The following TM4SF4 variants were observed in gnomAD, a reference collection of about 807,000 sequenced individuals.
TM4SF4 encodes the protein transmembrane 4 L six family member 4.
TM4SF4 carries 24 observed loss-of-function variants against 24.1 expected under a neutral mutation model. The ratio of observed to expected loss-of-function variants is 1.00; its 90% CI spans 0.72 to 1.40. TM4SF4 has a LOEUF of 1.40. Among genes scored for constraint, TM4SF4 ranks in the 40% most tolerant of loss-of-function variants. TM4SF4 has a pLI of 0.00. For missense variants in TM4SF4, 254 were observed against 254.2 expected, an observed-to-expected ratio of 1.00 and a Z score of 0.01; for synonymous variants, 113 against 97.0, an observed-to-expected ratio of 1.17 and a Z score of -0.97.
At chr3:149,476,094 A>G (rs1218034244) in intron 2 of TM4SF4, among the ~76,000 whole-genome samples, 182 bp downstream of exon 2, 1 of 152,222 alleles carries the variant, frequency 6.6e-6, no homozygotes, top group African/African-American at 2.4e-5. Flanking sequence ...CCAAAATACC[A>G]TAGCCCTCAT....
intron 3 of TM4SF4, among the ~76,000 whole-genome samples, chr3:149,488,746 G>C (rs1166184137): frequency 6.6e-6 from 1 of 152,032 alleles, no homozygotes; most frequent in Non-Finnish European, 1.5e-5. Context: ...ACCTCCAAGG[G>C]GGCTTGGAGC....
At chr3:149,493,867 G>A (rs956550621) in intron 3 of TM4SF4, among the ~76,000 whole-genome samples, 1 of 152,198 alleles carries the variant, frequency 6.6e-6, no homozygotes, top group African/African-American at 2.4e-5. Context: ...TCCCAGAGGA[G>A]GTGGCATCTG....
chr3:149,479,003 G>A (rs995757816), intron 2 of TM4SF4, among the ~76,000 whole-genome samples: 7 of 152,178 alleles, frequency 4.6e-5, no homozygotes, highest in African/African-American at 1.7e-4. Flanking sequence ...CTGACCTCAG[G>A]TGATCTGCCT....
intron 3 of TM4SF4, among the ~76,000 whole-genome samples, chr3:149,489,549 G>T (rs960246145): frequency 6.6e-6 from 1 of 152,074 alleles, no homozygotes; most frequent in Admixed American, 6.5e-5. Context: ...CCTCACACAC[G>T]CACGCCCTAC....
intron 3 of TM4SF4, chr3:149,495,131 A>G (rs772716295): frequency 1.3e-4 from 33 of 248,430 alleles, no homozygotes; most frequent in Admixed American, 6.9e-4. Flanking sequence ...CTCTACAGCC[A>G]GAAGAGACAT....
chr3:149,480,116 A>C (rs952738503), intron 2 of TM4SF4, among the ~76,000 whole-genome samples: 1 of 140,938 alleles, frequency 7.1e-6, no homozygotes, highest in Non-Finnish European at 1.6e-5. Context: ...GGGAAAAGTG[A>C]GCCCTGGAGC....
chr3:149,479,323 C>A (rs1442732049), intron 2 of TM4SF4, among the ~76,000 whole-genome samples: 1 of 151,340 alleles, frequency 6.6e-6, no homozygotes, highest in Non-Finnish European at 1.5e-5. Flanking sequence ...TGTTCTAAGG[C>A]TTTGGAGCAT....
intron 2 of TM4SF4, among the ~76,000 whole-genome samples, chr3:149,483,054 T>A (rs1297732933): frequency 6.6e-6 from 1 of 152,022 alleles, no homozygotes; most frequent in Middle Eastern, 3.2e-3. Context: ...ACCCCCCTCC[T>A]TCATAGAATC....
intron 2 of TM4SF4, among the ~76,000 whole-genome samples, chr3:149,477,423 A>G (rs1733952333): frequency 6.6e-6 from 1 of 152,240 alleles, no homozygotes; most frequent in Non-Finnish European, 1.5e-5. Context: ...CATGAACCAC[A>G]ATAATGAATT....
chr3:149,477,984 A>C lies in TM4SF4; in HGVS notation c.264+2072A>C, dbSNP rs565604758. On this transcript the variant is annotated intron_variant, in intron 2 of 4. Coordinates refer to ENST00000305354, the MANE Select transcript of TM4SF4 (RefSeq NM_004617.4). Reference sequence around the variant, plus strand: ...TGAGTAAAAGGCTAAAGACTGGCTAATATAAAAATAAGGGATCTTTTGTTT... The same window carrying C: ...TGAGTAAAAGGCTAAAGACTGGCTACTATAAAAATAAGGGATCTTTTGTTT... Among the ~76,000 whole-genome samples the C allele has an allele frequency of 4.6e-5, 6 of 131,186 alleles. No individual in the cohort carries two copies. In the South Asian group the frequency reaches 1.3e-3, roughly 29 times the overall value. 86.1% of individuals were successfully genotyped at this position (131,186 alleles called of 152,430 possible).
chr3:149,494,189 T>C (rs1417249190), intron 3 of TM4SF4, among the ~76,000 whole-genome samples: 1 of 152,072 alleles, frequency 6.6e-6, no homozygotes, highest in Non-Finnish European at 1.5e-5. Flanking sequence ...TTTGCCAGAC[T>C]CTCAAAGACT....
chr3:149,484,315 A>G (rs1734081261), intron 2 of TM4SF4, among the ~76,000 whole-genome samples: 1 of 152,218 alleles, frequency 6.6e-6, no homozygotes, highest in South Asian at 2.1e-4. Flanking sequence ...TCCTACAGGT[A>G]CATATTAATG....
intron 2 of TM4SF4, among the ~76,000 whole-genome samples, chr3:149,481,355 A>T (rs1329137548): frequency 6.6e-6 from 1 of 152,112 alleles, no homozygotes; most frequent in African/African-American, 2.4e-5. Context: ...GGATGAAGTA[A>T]GTGAACACCT....
chr3:149,489,523 G>A (rs530844307), intron 3 of TM4SF4, among the ~76,000 whole-genome samples: 152 of 152,330 alleles, frequency 1.0e-3, no homozygotes, highest in Non-Finnish European at 5.9e-4. Context: ...TCTGACTGCA[G>A]GAACTAACAC....
intron 4 of TM4SF4, among the ~76,000 whole-genome samples, chr3:149,502,445 A>G (rs1734447313): frequency 6.6e-6 from 1 of 152,180 alleles, no homozygotes; most frequent in Non-Finnish European, 1.5e-5. Context: ...TTGAGGACTA[A>G]ATAAATAAAT....
At chr3:149,485,853 C>G (rs1290841444) in intron 2 of TM4SF4, among the ~76,000 whole-genome samples, 1 of 152,068 alleles carries the variant, frequency 6.6e-6, no homozygotes, top group East Asian at 1.9e-4. Context: ...AGGCATTGTG[C>G]TGTGATAGAA....
intron 3 of TM4SF4, 82 bp downstream of exon 3, chr3:149,487,837 T>G: frequency 1.3e-6 from 2 of 1,557,266 alleles, no homozygotes; most frequent in Non-Finnish European, 1.8e-6. Context: ...CTGCACACAA[T>G]GCCATGTCTT....
intron 1 of TM4SF4, 105 bp from the exon 2 acceptor site, chr3:149,475,718 G>C: frequency 1.1e-6 from 1 of 911,204 alleles, no homozygotes. Context: ...TTCCCTTTGG[G>C]CCTCCAAATC....
At chr3:149,480,285 G>T (rs1734012391) in intron 2 of TM4SF4, among the ~76,000 whole-genome samples, 1 of 152,122 alleles carries the variant, frequency 6.6e-6, no homozygotes, top group Admixed American at 6.5e-5. Context: ...GGCGCAGTGG[G>T]GGAGCAAATT....
Sources: allele counts gnomAD v4.1 joint callset (sites outside exome capture counted in the v4.1 genomes callset), GRCh38; gene constraint gnomAD v4.1.1; transcripts MANE v1.5; gene names NCBI Gene and HGNC (gene_info 2026-07-23, HGNC 2026-07-21).